The following ARHGAP26 variants were observed in gnomAD, a reference collection of about 807,000 sequenced individuals.
The protein encoded by ARHGAP26 is Rho GTPase activating protein 26, also known as rho GTPase-activating protein 26.
A neutral mutation model predicts 104.8 loss-of-function variants in ARHGAP26; 38 were observed. The observed-to-expected ratio is 0.36, with a 90% CI of 0.28 to 0.48. ARHGAP26 has a LOEUF of 0.48. ARHGAP26 is among the 20% of genes least tolerant of loss of function. The pLI is 0.99. For synonymous variants in ARHGAP26, 341 were observed against 340.0 expected (o/e 1.00, Z -0.03); for missense variants, 704 against 947.9 (o/e 0.74, Z 3.38).
At chr5:142,916,125 G>C (rs1440291460) in intron 10 of ARHGAP26, among the ~76,000 whole-genome samples, 1 of 152,178 alleles carries the variant, frequency 6.6e-6, no homozygotes, top group Non-Finnish European at 1.5e-5. Context: ...GGTACTCCTG[G>C]AGTATGTTAA....
chr5:142,963,198 A>ATATG (rs869247749), intron 11 of ARHGAP26, among the ~76,000 whole-genome samples: 983 of 98,178 alleles, frequency 0.01, 8 homozygotes, highest in Middle Eastern at 0.019. Flanking sequence ...ATATATATAT[A>ATATG]TGTGTGTGTG....
chr5:142,992,453 A>AGAGG (rs1274469173), intron 11 of ARHGAP26, among the ~76,000 whole-genome samples: 5 of 146,936 alleles, frequency 3.4e-5, no homozygotes, highest in Admixed American at 1.4e-4. Flanking sequence ...TTTTTTTTTG[A>AGAGG]GAGGGAGTCT....
chr5:142,844,650 G>A (rs1370747654), intron 1 of ARHGAP26, among the ~76,000 whole-genome samples: 2 of 149,956 alleles, frequency 1.3e-5, no homozygotes, highest in East Asian at 3.9e-4. Context: ...GATCACCTGA[G>A]GTCAGCAGTT....
chr5:143,082,589 G>C (rs1789981923), intron 17 of ARHGAP26, among the ~76,000 whole-genome samples: 1 of 152,254 alleles, frequency 6.6e-6, no homozygotes, highest in East Asian at 1.9e-4. Context: ...TACATACCTT[G>C]CCCAAAGTCA....
In ARHGAP26 at chr5:143,054,491, A is replaced by G. The variant is rs777301452; in HGVS notation, c.1338A>G (p.Ile446Met). The change falls in exon 15 of 23, where the codon ATA (isoleucine) becomes ATG (methionine). Residue 446 changes from isoleucine (I) to methionine (M), a missense_variant. Ile to Met is a conservative substitution (Grantham distance 10). Transcript: ENST00000645722. ...TETDICAEWE[I>M]KTITSALKTY... ...CAGATATCTGTGCTGAATGGGAGAT[A>G]AAGACCATCACTAGTGCTCTGAAGA... 1.9e-6 allele frequency: 3 copies of G among 1,613,668 alleles called. No homozygotes were observed. Among genetic ancestry groups the G allele is most frequent in the Non-Finnish European group, 2.5e-6 (3 of 1,179,744 alleles).
At chr5:143,017,702 A>G (rs771051367) in intron 12 of ARHGAP26, among the ~76,000 whole-genome samples, 3 of 152,212 alleles carry the variant, frequency 2.0e-5, no homozygotes, top group African/African-American at 4.8e-5. Flanking sequence ...GTGTCCTTTT[A>G]TGCTGTGGCT....
intron 21 of ARHGAP26, among the ~76,000 whole-genome samples, chr5:143,210,048 A>G (rs966421653): frequency 6.6e-6 from 1 of 152,226 alleles, no homozygotes; most frequent in Non-Finnish European, 1.5e-5. Flanking sequence ...AGATCTAATC[A>G]GTGGTCCCAT....
At chr5:143,078,875 A>G (rs1325883192) in intron 17 of ARHGAP26, among the ~76,000 whole-genome samples, 1 of 152,220 alleles carries the variant, frequency 6.6e-6, no homozygotes, top group Non-Finnish European at 1.5e-5. Context: ...CTGACTGGTG[A>G]AACCGGTGGT....
chr5:143,067,254 T>C (rs993624888), intron 17 of ARHGAP26, among the ~76,000 whole-genome samples: 1 of 152,190 alleles, frequency 6.6e-6, no homozygotes, highest in African/African-American at 2.4e-5. Context: ...CCTTCTGTTT[T>C]ACTCAGTTTG....
At chr5:143,209,720 G>A (rs1467028619) in intron 21 of ARHGAP26, among the ~76,000 whole-genome samples, 1 of 151,856 alleles carries the variant, frequency 6.6e-6, no homozygotes, top group Non-Finnish European at 1.5e-5. Flanking sequence ...GGCAAAGTTT[G>A]CAGTGAGCCA....
intron 17 of ARHGAP26, among the ~76,000 whole-genome samples, chr5:143,100,386 G>A (rs113241445): frequency 1.9e-3 from 292 of 152,300 alleles, no homozygotes; most frequent in Admixed American, 3.0e-3. Flanking sequence ...GGGAAATAGC[G>A]AAGGAACATC....
At chr5:142,997,517 T>C (rs1411808160) in intron 11 of ARHGAP26, among the ~76,000 whole-genome samples, 1 of 151,674 alleles carries the variant, frequency 6.6e-6, no homozygotes, top group Non-Finnish European at 1.5e-5. Context: ...CAAGTGATCC[T>C]CCTGCCTCAG....
chr5:142,812,519 G>T (rs1381862633), intron 1 of ARHGAP26, among the ~76,000 whole-genome samples: 1 of 151,698 alleles, frequency 6.6e-6, no homozygotes, highest in Non-Finnish European at 1.5e-5. Flanking sequence ...TGTATTTTTA[G>T]TAGAGGTGGG....
intron 11 of ARHGAP26, among the ~76,000 whole-genome samples, chr5:142,960,771 G>A (rs1252365939): frequency 6.6e-6 from 1 of 152,216 alleles, no homozygotes; most frequent in Non-Finnish European, 1.5e-5. Flanking sequence ...CAGACCTCTG[G>A]TGTGATCAGA....
At chr5:143,016,929 A>G (rs1434651898) in intron 12 of ARHGAP26, among the ~76,000 whole-genome samples, 1 of 152,096 alleles carries the variant, frequency 6.6e-6, no homozygotes, top group African/African-American at 2.4e-5. Flanking sequence ...GTAATTTACA[A>G]TTTAATGCAA....
intron 17 of ARHGAP26, among the ~76,000 whole-genome samples, chr5:143,099,680 C>T (rs1396399425): frequency 1.3e-5 from 2 of 152,154 alleles, no homozygotes; most frequent in Non-Finnish European, 2.9e-5. Context: ...TGAAGTTCCT[C>T]TGCTGATAAG....
chr5:142,971,812 G>A (rs962217470), intron 11 of ARHGAP26, among the ~76,000 whole-genome samples: 8 of 152,184 alleles, frequency 5.3e-5, no homozygotes. Flanking sequence ...TCTCTGATGA[G>A]CCCAGAGAAA....
chr5:142,771,859 G>A (rs1755274297), intron 1 of ARHGAP26, among the ~76,000 whole-genome samples: 1 of 152,140 alleles, frequency 6.6e-6, no homozygotes, highest in Non-Finnish European at 1.5e-5. Context: ...TCTTTTTCTG[G>A]CCAAATAAGC....
chr5:143,087,207 C>A (rs1019601160), intron 17 of ARHGAP26, among the ~76,000 whole-genome samples: 1 of 152,190 alleles, frequency 6.6e-6, no homozygotes, highest in Non-Finnish European at 1.5e-5. Flanking sequence ...AAATATGATT[C>A]CTTACATGCA....
Sources: allele counts gnomAD v4.1 joint callset (sites outside exome capture counted in the v4.1 genomes callset), GRCh38; gene constraint gnomAD v4.1.1; transcripts MANE v1.5; gene names NCBI Gene and HGNC (gene_info 2026-07-23, HGNC 2026-07-21).